The following ANXA10 variants were observed in gnomAD, a reference collection of about 807,000 sequenced individuals.
The protein encoded by ANXA10 is annexin A10.
In ANXA10, 49 loss-of-function variants were observed where a neutral mutation model predicts 53.5. The observed-to-expected ratio is 0.92, with a 90% CI of 0.73 to 1.16. ANXA10 has a LOEUF of 1.16. Ranked by LOEUF, ANXA10 falls within the 50% of genes most tolerant of loss-of-function variation. The pLI, the probability that ANXA10 is intolerant of heterozygous loss-of-function variation, is 0.00. For missense variants in ANXA10, 393 were observed against 394.4 expected (o/e 1.00, Z 0.03); for synonymous variants, 131 against 128.9 (o/e 1.02, Z -0.11).
At chr4:168,153,422 CA>C (rs61179704) in intron 3 of ANXA10, among the ~76,000 whole-genome samples, 177 of 43,504 alleles carry the variant, frequency 4.1e-3, no homozygotes, top group African/African-American at 7.2e-3. Context: ...AAGCCTAAAG[CA>C]AAAAAAAAAA....
chr4:168,132,033 C>T (rs376345414), intron 2 of ANXA10, among the ~76,000 whole-genome samples: 1 of 151,834 alleles, frequency 6.6e-6, no homozygotes, highest in Non-Finnish European at 1.5e-5. Flanking sequence ...TGGGAATGTA[C>T]GTTAGTACCA....
At chr4:168,125,581 T>A (rs779602956) in intron 1 of ANXA10, among the ~76,000 whole-genome samples, 7 of 152,202 alleles carry the variant, frequency 4.6e-5, no homozygotes, top group Non-Finnish European at 1.0e-4. Flanking sequence ...CCTAATTGGC[T>A]ATGAATAAGT....
At chr4:168,185,745 C>T (rs1250447296) in intron 11 of ANXA10, among the ~76,000 whole-genome samples, 1 of 152,236 alleles carries the variant, frequency 6.6e-6, no homozygotes, top group African/African-American at 2.4e-5. Context: ...TAGAACTGAA[C>T]TTATATTTTG....
intron 1 of ANXA10, among the ~76,000 whole-genome samples, chr4:168,115,497 G>GCGCACACACACA (rs1245136318): frequency 2.2e-5 from 3 of 136,428 alleles, no homozygotes; most frequent in Non-Finnish European, 4.8e-5. Flanking sequence ...CAATACACAC[G>GCGCACACACACA]CACACACACA....
chr4:168,118,754 C>T (rs145194682), intron 1 of ANXA10, among the ~76,000 whole-genome samples: 162 of 152,080 alleles, frequency 1.1e-3, no homozygotes, highest in African/African-American at 3.5e-3. Flanking sequence ...ATTTTTTAAC[C>T]AAGAAGAAAA....
At position 168,139,158 on chromosome 4, in the gene ANXA10, A is replaced by G. The variant is rs555219759; in HGVS notation, c.101-328A>G. Among the ~76,000 whole-genome samples the G allele has an allele frequency of 5.9e-5, 9 of 152,220 alleles. No homozygotes were observed. The East Asian group carries it at 1.7e-3, about 29-fold the overall frequency. On this transcript the variant is annotated intron_variant, in intron 2 of 11. Transcript: ENST00000359299. ...TGTTGAATGGGAGTGGAGAAAGGAAATATCTTTGTATTGTTTCTGTTCTCA... is the reference window on the plus strand; with the variant it reads ...TGTTGAATGGGAGTGGAGAAAGGAAGTATCTTTGTATTGTTTCTGTTCTCA...
At chr4:168,153,150 A>G (rs2149474561) in intron 3 of ANXA10, among the ~76,000 whole-genome samples, 1 of 152,258 alleles carries the variant, frequency 6.6e-6, no homozygotes, top group South Asian at 2.1e-4. Flanking sequence ...CTATTATATT[A>G]ACAAAGGAGA....
chr4:168,164,208 C>T lies in ANXA10; in HGVS notation c.320C>T (p.Thr107Ile). Residue 107 changes from threonine (T) to isoleucine (I), a missense_variant, in exon 5 of 12, where the codon ACT becomes ATT. Physicochemically the swap from Thr to Ile is moderately conservative, Grantham distance 89. Coordinates refer to ENST00000359299, the MANE Select transcript of ANXA10 (RefSeq NM_007193.5). ...TTTTCCTTTCTCTAGGGAGTAGGCA[C>T]TGATGAGAATTGCCTCATTGAAATA... is the stretch of plus-strand genomic sequence containing the variant. The part of the protein sequence containing the change: ...ELWHAMKGVG[T>I]DENCLIEILA... 6.2e-7 allele frequency: 1 copy of T among 1,609,776 alleles called. No homozygotes were observed. Among genetic ancestry groups the T allele is most frequent in the Non-Finnish European group, 8.5e-7 (1 of 1,176,406 alleles).
At chr4:168,141,583 C>T (rs925349004) in intron 3 of ANXA10, among the ~76,000 whole-genome samples, 1 of 152,198 alleles carries the variant, frequency 6.6e-6, no homozygotes, top group East Asian at 1.9e-4. Flanking sequence ...TATGGGGAAT[C>T]CTCGGTCCTT....
chr4:168,156,386 ATAT>A (rs1236886986), intron 3 of ANXA10, among the ~76,000 whole-genome samples: 3 of 18,972 alleles, frequency 1.6e-4, no homozygotes, highest in Non-Finnish European at 3.7e-4. Context: ...TATAATTAAT[ATAT>A]ATTATATTAT....
At chr4:168,105,039 TTCTTC>T (rs1730697782) in intron 1 of ANXA10, among the ~76,000 whole-genome samples, 1 of 151,942 alleles carries the variant, frequency 6.6e-6, no homozygotes, top group African/African-American at 2.4e-5. Flanking sequence ...GTGAATTTGT[TTCTTC>T]TCTTGTTTTG....
intron 1 of ANXA10, among the ~76,000 whole-genome samples, chr4:168,097,544 T>A (rs1730571238): frequency 6.6e-6 from 1 of 152,066 alleles, no homozygotes; most frequent in East Asian, 1.9e-4. Context: ...TAACCAAGTG[T>A]CTACTCATTG....
At position 168,181,694 on chromosome 4, in the gene ANXA10, C is replaced by T. The variant is rs374810057; in HGVS notation, c.736C>T (p.Arg246Ter). The T allele has an allele frequency of 8.7e-6, 14 of 1,602,918 alleles. No individual in the cohort carries two copies. The highest frequency in any genetic ancestry group is 8.3e-5 in the Admixed American group (5 of 59,962). The part of the protein sequence containing the change: ...ELLVAIVLCV[R>*]DKPAYFAYRL... ...CTGATTTCTCCTAGTTCTCTGTGTT[C>T]GAGACAAACCAGCCTATTTTGCTTA... The change falls in exon 10 of 12, where the codon CGA becomes TGA. Residue 246 changes from arginine (R) to a stop codon, truncating the protein, a stop_gained. Coordinates refer to ENST00000359299, the MANE Select transcript of ANXA10 (RefSeq NM_007193.5). LOFTEE classifies it high-confidence loss of function.
chr4:168,174,722 C>G (rs949830117), intron 6 of ANXA10, among the ~76,000 whole-genome samples: 1 of 152,052 alleles, frequency 6.6e-6, no homozygotes, highest in Non-Finnish European at 1.5e-5. Context: ...ATGAAAAGGC[C>G]GAAGAAAAAC....
chr4:168,146,180 A>G (rs2149473310), intron 3 of ANXA10, among the ~76,000 whole-genome samples: 1 of 152,244 alleles, frequency 6.6e-6, no homozygotes, highest in East Asian at 1.9e-4. Flanking sequence ...AAGTGCTGGG[A>G]TTGCAGGCAT....
In ANXA10 at chr4:168,177,878, C is replaced by T. The variant is rs1732161712; in HGVS notation, c.535-12C>T. The T allele has an allele frequency of 8.1e-6, 13 of 1,614,150 alleles. No individual in the cohort carries two copies. The highest frequency in any genetic ancestry group is 1.1e-5 in the Non-Finnish European group (13 of 1,180,006). ...GGTTCTGATGCTACTTCTCTGCTGG[C>T]TAATGTTCCAGGTCCTATGGGAAGC... On this transcript the variant is annotated splice_polypyrimidine_tract_variant and intron_variant, in intron 7 of 11. Coordinates refer to ENST00000359299, the MANE Select transcript of ANXA10 (RefSeq NM_007193.5).
intron 5 of ANXA10, 118 bp from the exon 6 acceptor site, chr4:168,165,129 G>A: frequency 2.0e-6 from 1 of 493,620 alleles, no homozygotes; most frequent in Admixed American, 3.8e-5. Context: ...AATGTCAACA[G>A]GTGGACTACA....
intron 1 of ANXA10, among the ~76,000 whole-genome samples, chr4:168,107,738 A>G (rs1363756022): frequency 6.6e-6 from 1 of 152,182 alleles, no homozygotes; most frequent in Admixed American, 6.5e-5. Context: ...CTGTGTCTTT[A>G]CACAGGGGAC....
At chr4:168,099,054 A>G (rs1462563440) in intron 1 of ANXA10, among the ~76,000 whole-genome samples, 1 of 152,178 alleles carries the variant, frequency 6.6e-6, no homozygotes, top group Admixed American at 6.6e-5. Flanking sequence ...AATGGAAGGC[A>G]TTGTAGTAAT....
Sources: allele counts gnomAD v4.1 joint callset (sites outside exome capture counted in the v4.1 genomes callset), GRCh38; gene constraint gnomAD v4.1.1; transcripts MANE v1.5; gene names NCBI Gene and HGNC (gene_info 2026-07-23, HGNC 2026-07-21).